The following THTPA variants were observed in gnomAD, a reference collection of about 807,000 sequenced individuals.
THTPA encodes the protein thiamine triphosphatase, also known as thiamine-triphosphatase.
Under a neutral mutation model 16.5 loss-of-function variants are expected in THTPA, and 16 were observed. That is an observed-to-expected ratio of 0.97 (90% CI 0.66 to 1.47). The LOEUF (loss-of-function observed/expected upper bound fraction) is 1.47. Among genes scored for constraint, THTPA ranks in the 40% most tolerant of loss-of-function variants. The probability of loss-of-function intolerance (pLI) is 0.00; values close to 1 mark genes in which losing one functional copy is unlikely to be tolerated. For missense variants in THTPA, 281 were observed against 280.9 expected (o/e 1.00, Z 0.00); for synonymous variants, 110 against 115.5 (o/e 0.95, Z 0.30).
chr14:23,559,875 G>T lies in THTPA; in HGVS notation c.*1035G>T, dbSNP rs544294263. 3.1e-6 allele frequency: 5 copies of T among 1,613,510 alleles called. No individual in the cohort carries two copies. In the South Asian group the frequency reaches 5.5e-5, roughly 18 times the overall value. On this transcript the variant is annotated 3_prime_UTR_variant, in exon 2 of 2. Coordinates refer to ENST00000288014, the MANE Select transcript of THTPA (RefSeq NM_024328.6). ...CCTAGGAATAGGAGAGCAGGGACCA[G>T]GGTTAGCACCCACGGCTTCTTCTAT...
the THTPA span, chr14:23,525,666 A>G: frequency 6.5e-7 from 1 of 1,534,838 alleles, no homozygotes. This position sits in a 1 kb window ranked among gnomAD's most constrained non-coding sequence, Gnocchi z 5.9. Context: ...TCGGGGGGTG[A>G]GGAAGGCCCT....
At position 23,556,881 on chromosome 14, in the gene THTPA, A is replaced by AC; in HGVS notation, c.128dup (p.Glu44Ter). 3 of 1,613,430 alleles carry AC rather than the reference A, an allele frequency of 1.9e-6. No homozygotes were observed. The highest frequency in any genetic ancestry group is 2.2e-5 in the South Asian group (2 of 90,960). On this transcript the variant is annotated frameshift_variant, in exon 1 of 2. Coordinates refer to ENST00000288014, the MANE Select transcript of THTPA (RefSeq NM_024328.6). LOFTEE classifies it high-confidence loss of function. ...CACCTTCCGAGACACCTACTATGAC[A>AC]CCCCTGAGCTGAGCCTCATGCAGGC...
chr14:23,536,301 C>G, the THTPA span, among the ~76,000 whole-genome samples: 52 of 152,314 alleles, frequency 3.4e-4, no homozygotes, highest in African/African-American at 1.2e-3. Flanking sequence ...TTTTGAATGG[C>G]AGAATTCTAG....
At chr14:23,526,641 G>A in the THTPA span, 2 of 1,536,048 alleles carry the variant, frequency 1.3e-6, no homozygotes, top group Non-Finnish European at 1.7e-6. Context: ...GGCTCAGGAA[G>A]AGGATCTGGA....
At chr14:23,555,357 G>C (rs547979332), upstream of THTPA, among the ~76,000 whole-genome samples, 14 of 152,232 alleles carry the variant, frequency 9.2e-5, no homozygotes, top group Non-Finnish European at 1.9e-4. Context: ...CTTAGGGACC[G>C]CTGGAAACTC....
chr14:23,531,378 C>T, the THTPA span: 2 of 1,327,458 alleles, frequency 1.5e-6, no homozygotes, highest in East Asian at 2.8e-5. Context: ...GGCCTACAGG[C>T]CCTCTTCGCC....
At chr14:23,525,989 G>C in the THTPA span, 1 of 1,525,098 alleles carries the variant, frequency 6.6e-7, no homozygotes, top group Non-Finnish European at 8.8e-7. The surrounding 1 kb of genome is among the most constrained non-coding windows in gnomAD (Gnocchi z 5.9). Flanking sequence ...AGGCAATCCA[G>C]ATATGAAGCC....
chr14:23,522,476 TGGA>T, the THTPA span: 8 of 1,535,182 alleles, frequency 5.2e-6, no homozygotes, highest in African/African-American at 1.1e-4. Context: ...GGGTGGCGGC[TGGA>T]GGAGGGCATT....
Position 23,559,982 on chromosome 14 carries a change from C to T in THTPA, c.*1142C>T, listed in dbSNP as rs1018208224. 4.3e-6 allele frequency: 7 copies of T among 1,613,122 alleles called. No individual in the cohort carries two copies. In the African/African-American group the frequency reaches 9.3e-5, roughly 22 times the overall value. On this transcript the variant is annotated 3_prime_UTR_variant, in exon 2 of 2. Coordinates refer to ENST00000288014, the MANE Select transcript of THTPA (RefSeq NM_024328.6). ...CTGAAGAGCTGGGTGATAGGAAGGC[C>T]ACCCCGAGCTGGAACTGTGTTCCCA...
At chr14:23,528,903 G>A in the THTPA span, 4 of 907,424 alleles carry the variant, frequency 4.4e-6, no homozygotes, top group South Asian at 5.1e-5. Context: ...GTCAGGGAGG[G>A]GATGACTGTA....
chr14:23,521,476 T>C, the THTPA span: 1 of 154,674 alleles, frequency 6.5e-6, no homozygotes, highest in African/African-American at 2.4e-5. Context: ...TTCTTTGCCT[T>C]GGGCTTTCTT....
At chr14:23,529,673 C>A in the THTPA span, 1 of 1,524,402 alleles carries the variant, frequency 6.6e-7, no homozygotes. Context: ...AAAGCCAGGC[C>A]CCCACTTCAG....
chr14:23,534,816 G>A, the THTPA span: 1 of 1,536,202 alleles, frequency 6.5e-7, no homozygotes, highest in Non-Finnish European at 8.7e-7. This position sits in a 1 kb window ranked among gnomAD's most constrained non-coding sequence, Gnocchi z 4.5. Flanking sequence ...CATGTTGGAT[G>A]TGAAGGGCAG....
At chr14:23,521,805 G>C in the THTPA span, 1 of 1,292,930 alleles carries the variant, frequency 7.7e-7, no homozygotes, top group African/African-American at 1.5e-5. Context: ...GCTGGAAGTG[G>C]GGTGTGTGGT....
chr14:23,522,764 C>A, the THTPA span: 1 of 1,536,418 alleles, frequency 6.5e-7, no homozygotes. Context: ...GACCTTGTCC[C>A]CCAAGGGCTC....
chr14:23,519,784 C>G, the THTPA span, among the ~76,000 whole-genome samples: 1 of 152,178 alleles, frequency 6.6e-6, no homozygotes, highest in Non-Finnish European at 1.5e-5. Flanking sequence ...TCAGTATTAA[C>G]ATGTTCACAG....
the THTPA span, chr14:23,522,569 A>T: frequency 2.8e-5 from 42 of 1,527,268 alleles, no homozygotes; most frequent in African/African-American, 2.1e-4. Context: ...GAGCTGTTGG[A>T]AGTAGGCCCC....
At chr14:23,528,897 G>T in the THTPA span, 1 of 924,926 alleles carries the variant, frequency 1.1e-6, no homozygotes, top group Non-Finnish European at 1.3e-6. Flanking sequence ...CTGTGTGTCA[G>T]GGAGGGGATG....
At chr14:23,536,315 A>G in the THTPA span, among the ~76,000 whole-genome samples, 1 of 152,216 alleles carries the variant, frequency 6.6e-6, no homozygotes, top group African/African-American at 2.4e-5. Flanking sequence ...ATTCTAGGAA[A>G]GACCCTCAGA....
Sources: allele counts gnomAD v4.1 joint callset (sites outside exome capture counted in the v4.1 genomes callset), GRCh38; gene constraint gnomAD v4.1.1; non-coding constraint Gnocchi (gnomAD v3.1); transcripts MANE v1.5; gene names NCBI Gene and HGNC (gene_info 2026-07-23, HGNC 2026-07-21).